LRP1B: variants seen among roughly 807,000 people sequenced by gnomAD.
LRP1B encodes low-density lipoprotein receptor-related protein 1B.
LRP1B carries 217 observed loss-of-function variants against 556.6 expected under a neutral mutation model. That is an observed-to-expected ratio of 0.39 (90% CI 0.35 to 0.44). The LOEUF is 0.44. Among genes scored for constraint, LRP1B ranks in the 20% least tolerant of loss-of-function variants. LRP1B has a pLI of 1.00. For missense variants in LRP1B, 5,053 were observed against 5,620.8 expected (o/e 0.90, Z 3.23); for synonymous variants, 2,047 against 1,865.8 (o/e 1.10, Z -2.50).
intron 7 of LRP1B, among the ~76,000 whole-genome samples, chr2:141,075,493 A>G (rs1558843176): frequency 6.6e-6 from 1 of 152,126 alleles, no homozygotes; most frequent in African/African-American, 2.4e-5. Context: ...GGGCAGTGCT[A>G]TTTTAGCATT....
At chr2:140,500,575 T>C (rs1369111395) in intron 55 of LRP1B, among the ~76,000 whole-genome samples, 1 of 151,994 alleles carries the variant, frequency 6.6e-6, no homozygotes, top group Non-Finnish European at 1.5e-5. Flanking sequence ...CTGCCTTGTA[T>C]TGAACAGAAA....
intron 86 of LRP1B, among the ~76,000 whole-genome samples, chr2:140,263,084 T>C (rs1186720896): frequency 6.6e-6 from 1 of 152,032 alleles, no homozygotes; most frequent in Non-Finnish European, 1.5e-5. Context: ...CCACCATGCC[T>C]GGTTAATTTT....
intron 21 of LRP1B, among the ~76,000 whole-genome samples, chr2:140,914,999 TC>T (rs1694533065): frequency 6.6e-6 from 1 of 152,140 alleles, no homozygotes; most frequent in African/African-American, 2.4e-5. Context: ...TTATCTGCAC[TC>T]ATGCAGTTAC....
At chr2:142,078,968 A>T (rs1705612991) in intron 1 of LRP1B, among the ~76,000 whole-genome samples, 1 of 152,196 alleles carries the variant, frequency 6.6e-6, no homozygotes, top group Admixed American at 6.5e-5. Context: ...ATCAGTTGTA[A>T]TGTTTTTCAA....
In LRP1B at chr2:140,769,331, A is replaced by C; in HGVS notation, c.5640T>G (p.Phe1880Leu). 6.2e-7 allele frequency: 1 copy of C among 1,609,440 alleles called. No homozygotes were observed. The highest frequency in any genetic ancestry group is 8.5e-7 in the Non-Finnish European group (1 of 1,177,508). Residue 1880 changes from phenylalanine (F) to leucine (L), a missense_variant, in exon 35 of 91, where the codon TTT (phenylalanine) becomes TTG (leucine). Transcript: ENST00000389484. ...NRMSCQGIES[F>L]LMYSVHEGIR... is the part of the protein sequence containing the mutation. ...TTCCTTCATGAACAGAGTACATAAG[A>C]AATGATTCTATACCTAAATGCAGGG...
At chr2:140,333,117 TGCTAA>T (rs1558809121) in intron 79 of LRP1B, among the ~76,000 whole-genome samples, 1 of 152,022 alleles carries the variant, frequency 6.6e-6, no homozygotes. Context: ...TCTGTTTTCA[TGCTAA>T]GCTAATTCCT....
intron 3 of LRP1B, among the ~76,000 whole-genome samples, chr2:141,415,844 G>T (rs1406064239): frequency 6.6e-6 from 1 of 152,142 alleles, no homozygotes; most frequent in Non-Finnish European, 1.5e-5. Context: ...AATAAAGAAA[G>T]TTCTCAAGGT....
chr2:140,548,286 G>A (rs920245013), intron 43 of LRP1B, among the ~76,000 whole-genome samples: 1 of 152,152 alleles, frequency 6.6e-6, no homozygotes, highest in African/African-American at 2.4e-5. Flanking sequence ...AACAGCAAAT[G>A]TATCAAGCTT....
intron 66 of LRP1B, among the ~76,000 whole-genome samples, chr2:140,404,802 G>T (rs1265800188): frequency 1.3e-5 from 2 of 152,064 alleles, no homozygotes; most frequent in Non-Finnish European, 2.9e-5. Flanking sequence ...AGATAAAACA[G>T]ACTTAAACAA....
chr2:141,025,608 T>A (rs759185416), intron 11 of LRP1B, among the ~76,000 whole-genome samples: 3 of 152,092 alleles, frequency 2.0e-5, no homozygotes, highest in Non-Finnish European at 4.4e-5. Context: ...TCCTCCAGAC[T>A]GTCTTTGAAC....
At chr2:141,893,240 G>A (rs1176001549) in intron 1 of LRP1B, among the ~76,000 whole-genome samples, 1 of 152,148 alleles carries the variant, frequency 6.6e-6, no homozygotes, top group Non-Finnish European at 1.5e-5. Flanking sequence ...CACTCTTGTG[G>A]CCTAGTCTGG....
chr2:140,908,341 A>G (rs1043460684), intron 21 of LRP1B, among the ~76,000 whole-genome samples: 13 of 128,832 alleles, frequency 1.0e-4, no homozygotes, highest in African/African-American at 3.7e-4. Flanking sequence ...CTCTATATAT[A>G]TATACATATA....
At chr2:140,558,672 T>C (rs1370889267) in intron 43 of LRP1B, among the ~76,000 whole-genome samples, 2 of 151,976 alleles carry the variant, frequency 1.3e-5, no homozygotes, top group South Asian at 4.2e-4. Context: ...GGTGCAGTGC[T>C]TCACACTTGA....
At chr2:141,045,751 C>CG (rs1698851012) in intron 11 of LRP1B, among the ~76,000 whole-genome samples, 3 of 151,954 alleles carry the variant, frequency 2.0e-5, no homozygotes, top group Admixed American at 2.0e-4. Context: ...GGCCCCGATA[C>CG]GGCATTCACT....
chr2:141,408,390 C>T (rs903873984), intron 3 of LRP1B, among the ~76,000 whole-genome samples: 4 of 151,986 alleles, frequency 2.6e-5, no homozygotes, highest in Middle Eastern at 3.4e-3. Context: ...GTGATCTGAC[C>T]GCCTCGGCCT....
At chr2:140,427,569 T>G (rs891696057) in intron 66 of LRP1B, among the ~76,000 whole-genome samples, 1 of 152,106 alleles carries the variant, frequency 6.6e-6, no homozygotes, top group Non-Finnish European at 1.5e-5. Context: ...CACTTTCAAT[T>G]TTTCCATCCT....
At chr2:141,770,843 C>G (rs905611557) in intron 2 of LRP1B, among the ~76,000 whole-genome samples, 1 of 152,114 alleles carries the variant, frequency 6.6e-6, no homozygotes, top group Non-Finnish European at 1.5e-5. Flanking sequence ...AAGGTGGACA[C>G]GTTATTTATC....
chr2:142,018,530 T>C (rs1703225298), intron 1 of LRP1B, among the ~76,000 whole-genome samples: 2 of 152,152 alleles, frequency 1.3e-5, no homozygotes, highest in Non-Finnish European at 2.9e-5. Flanking sequence ...TTTTATTGTA[T>C]ATTTTATATT....
chr2:141,460,060 C>A (rs1337555700), intron 3 of LRP1B, among the ~76,000 whole-genome samples: 2 of 152,164 alleles, frequency 1.3e-5, no homozygotes, highest in Admixed American at 1.3e-4. Flanking sequence ...ATTAAACACT[C>A]AGAAACCTAA....
Sources: gnomAD v4.1 joint callset for allele counts (sites outside exome capture counted in the v4.1 genomes callset) on GRCh38, gnomAD v4.1.1 for gene constraint, MANE v1.5 for transcripts, NCBI Gene and HGNC (gene_info 2026-07-23, HGNC 2026-07-21) for gene names.